TTC4: variants seen among roughly 807,000 people sequenced by gnomAD.
TTC4 encodes hsp70/Hsp90 co-chaperone CNS1 homolog.
Under a neutral mutation model 51.9 loss-of-function variants are expected in TTC4, and 36 were observed. The observed-to-expected ratio is 0.69, with a 90% CI of 0.53 to 0.92. The LOEUF is 0.92. Among genes scored for constraint, TTC4 ranks in the 40% least tolerant of loss-of-function variants. TTC4 has a pLI of 0.00. For synonymous variants in TTC4, 144 were observed against 164.2 expected (o/e 0.88, Z 0.94); for missense variants, 399 against 454.6 (o/e 0.88, Z 1.11).
intron 3 of TTC4, 65 bp from the exon 4 acceptor site, chr1:54,721,098 A>G (rs111390116): frequency 6.8e-6 from 10 of 1,468,114 alleles, no homozygotes; most frequent in Middle Eastern, 1.7e-4. Context: ...TTGTCACTAC[A>G]TATAAAATTT....
At chr1:54,717,211 C>A (rs996035479) in intron 2 of TTC4, among the ~76,000 whole-genome samples, 2 of 152,140 alleles carry the variant, frequency 1.3e-5, no homozygotes, top group South Asian at 2.1e-4. Context: ...AAAAAAAATT[C>A]TTTTCTTCAA....
At position 54,737,404 on chromosome 1, in the gene TTC4, C is replaced by G. The variant is rs181063610; in HGVS notation, c.979-178C>G. 9.9e-5 allele frequency: 56 copies of G among 567,334 alleles called. No homozygotes were observed. In the Middle Eastern group the frequency reaches 1.9e-3, roughly 19 times the overall value. 35.1% of individuals were successfully genotyped at this position (567,334 alleles called of 1,614,324 possible). A position where few individuals can be genotyped will look rare whatever the true frequency, so the allele number is the denominator to read the frequency against. ...TTTGGAAGATGGAACTGATAATAGC[C>G]TCTTTTACAGTGGCATGGCGGGGGG... On this transcript the variant is annotated intron_variant, in intron 8 of 9. Coordinates refer to ENST00000371281, the MANE Select transcript of TTC4 (RefSeq NM_004623.5).
intron 3 of TTC4, among the ~76,000 whole-genome samples, chr1:54,720,818 C>G (rs78431891): frequency 0.028 from 4,192 of 152,154 alleles, 196 homozygotes; most frequent in African/African-American, 0.096. Flanking sequence ...AAAATACATG[C>G]TAATTTGCTT....
At chr1:54,720,147 T>A (rs1382211329) in intron 3 of TTC4, among the ~76,000 whole-genome samples, 1 of 152,100 alleles carries the variant, frequency 6.6e-6, no homozygotes, top group Non-Finnish European at 1.5e-5. Context: ...AGCAATCCTC[T>A]CACCTCGGTC....
intron 5 of TTC4, among the ~76,000 whole-genome samples, chr1:54,725,182 A>G (rs773535318): frequency 6.6e-6 from 1 of 152,152 alleles, no homozygotes; most frequent in Non-Finnish European, 1.5e-5. Context: ...GGCTATTTTT[A>G]TATGACCTGA....
At chr1:54,738,355 T>C (rs1370149805) in intron 9 of TTC4, among the ~76,000 whole-genome samples, 3 of 152,144 alleles carry the variant, frequency 2.0e-5, no homozygotes, top group African/African-American at 4.8e-5. Flanking sequence ...TGAGATTTGG[T>C]TGGGGATACA....
At chr1:54,717,377 A>G (rs1019841713) in intron 2 of TTC4, 115 bp from the exon 3 acceptor site, 4 of 925,298 alleles carry the variant, frequency 4.3e-6, no homozygotes, top group Admixed American at 4.1e-5. Flanking sequence ...TCCTTTCCCT[A>G]TTGGTTTCTT....
intron 3 of TTC4, 37 bp from the exon 4 acceptor site, chr1:54,721,126 C>T: frequency 6.2e-7 from 1 of 1,605,594 alleles, no homozygotes; most frequent in Non-Finnish European, 8.5e-7. Context: ...ATTTTGATCT[C>T]AAAACTTCTC....
At chr1:54,721,051 C>T (rs1303114858) in intron 3 of TTC4, 112 bp from the exon 4 acceptor site, 4 of 995,658 alleles carry the variant, frequency 4.0e-6, no homozygotes, top group Non-Finnish European at 5.9e-6. Flanking sequence ...AACAGTTGCT[C>T]TCATTTGTAT....
rs372482169 is a variant in TTC4, at chr1:54,716,001, T to G, written c.93T>G (p.His31Gln). The G allele has an allele frequency of 6.3e-7, 1 of 1,592,548 alleles. No individual in the cohort carries two copies. Among genetic ancestry groups the G allele is most frequent in the Non-Finnish European group, 8.5e-7 (1 of 1,170,032 alleles). ...GCCAGCCTTACCGTGGCGGCTTTCA[T>G]GAGGACCAGTGGGAGAAGGTGGGCG... ...FQSQPYRGGF[H>Q]EDQWEKEFEK... Residue 31 changes from histidine (H) to glutamine (Q), a missense_variant, in exon 1 of 10, where the codon CAT becomes CAG. His to Gln is a conservative substitution (Grantham distance 24). This residue lies in a region of TTC4 where 316 missense variants were observed against 349.6 expected (regional missense o/e 0.90). Transcript: ENST00000371281.
At position 54,741,433 on chromosome 1, in the gene TTC4, C is replaced by G; in HGVS notation, c.1084C>G (p.Pro362Ala). Residue 362 changes from proline to alanine, a missense_variant, in exon 10 of 10, where the codon CCA becomes GCA. This residue lies in a region of TTC4 where 64 missense variants were observed against 61.3 expected (regional missense o/e 1.04). Coordinates refer to ENST00000371281, the MANE Select transcript of TTC4 (RefSeq NM_004623.5). ...CAGGTACTTTGTAAAAGCCCTGACA[C>G]CAGCATTTTTGGTCTGTGTAGGATC... Reference protein sequence around the residue: ...HQRYFVKALTPAFLVCVGSSP... With the variant: ...HQRYFVKALTAAFLVCVGSSP... The G allele has an allele frequency of 6.2e-7, 1 of 1,614,142 alleles. No individual in the cohort carries two copies. Among genetic ancestry groups the G allele is most frequent in the Non-Finnish European group, 8.5e-7 (1 of 1,180,022 alleles).
At chr1:54,729,556 TAAC>T (rs1263478422) in intron 6 of TTC4, among the ~76,000 whole-genome samples, 4 of 152,290 alleles carry the variant, frequency 2.6e-5, no homozygotes, top group East Asian at 3.9e-4. Context: ...GTTGTTCCTA[TAAC>T]AACAACAACA....
At chr1:54,717,396 T>C (rs968493181) in intron 2 of TTC4, 96 bp from the exon 3 acceptor site, 2 of 1,122,288 alleles carry the variant, frequency 1.8e-6, no homozygotes, top group African/African-American at 3.2e-5. Context: ...TTCGCTTTGG[T>C]GTGTCATATA....
Position 54,716,613 on chromosome 1 carries a change from T to A in TTC4, c.125T>A (p.Val42Asp), listed in dbSNP as rs751054911. 1 of 1,612,416 alleles carries A rather than the reference T, an allele frequency of 6.2e-7. No homozygotes were observed. Among genetic ancestry groups the A allele is most frequent in the Non-Finnish European group, 8.5e-7 (1 of 1,179,442 alleles). ...EDQWEKEFEK[V>D]PLFMSRAPSE... ...AACCATTTACAGGAATTTGAAAAGGTCCCCCTATTTATGTCGAGAGCGCCA... is the reference window on the plus strand; with the variant it reads ...AACCATTTACAGGAATTTGAAAAGGACCCCCTATTTATGTCGAGAGCGCCA... The change falls in exon 2 of 10, where the codon GTC (valine) becomes GAC (aspartate). Residue 42 changes from valine to aspartate, a missense_variant. Physicochemically the swap from Val to Asp is radical, Grantham distance 152 (BLOSUM62 -3). Transcript: ENST00000371281.
Position 54,717,850 on chromosome 1 carries a change from T to C in TTC4, c.391+197T>C, listed in dbSNP as rs944159803. On this transcript the variant is annotated intron_variant, in intron 3 of 9. Transcript: ENST00000371281. ...ACAGGATGGATTGTGTAATTCTTAC[T>C]GTCTCAACCCAAAAAGTGACTTGGT... 2.6e-5 allele frequency: 12 copies of C among 455,404 alleles called. No individual in the cohort carries two copies. The Admixed American group carries it at 5.4e-4, about 20-fold the overall frequency. The allele number at this position is 455,404 out of a possible 1,614,324, so 28.2% of individuals were successfully genotyped here.
At chr1:54,729,102 G>A (rs1381908974) in intron 6 of TTC4, among the ~76,000 whole-genome samples, 1 of 152,196 alleles carries the variant, frequency 6.6e-6, no homozygotes, top group African/African-American at 2.4e-5. Flanking sequence ...TACAGGGACT[G>A]TGATACCATG....
intron 7 of TTC4, among the ~76,000 whole-genome samples, chr1:54,732,328 A>G (rs1645876370): frequency 6.9e-6 from 1 of 145,516 alleles, no homozygotes. Flanking sequence ...CTCAAAAAAA[A>G]AAAAAAATAA....
rs770202144 is a variant in TTC4 at position 54,737,536 on chromosome 1, G to A, written c.979-46G>A. 7 of 1,582,512 alleles carry A rather than the reference G, an allele frequency of 4.4e-6. No individual in the cohort carries two copies. The East Asian group carries it at 1.3e-4, about 30-fold the overall frequency. On this transcript the variant is annotated intron_variant, in intron 8 of 9. Coordinates refer to ENST00000371281, the MANE Select transcript of TTC4 (RefSeq NM_004623.5). ...CCTGGGCTTAGCCTCAACTAAGGCT[G>A]CCGAAGCCTTTATCTCTGACTCTTG...
intron 1 of TTC4, 102 bp downstream of exon 1, chr1:54,716,121 T>G (rs1324428447): frequency 1.1e-5 from 10 of 928,522 alleles, no homozygotes; most frequent in African/African-American, 1.7e-5. Flanking sequence ...TCCCTGGCGC[T>G]GCCAGCCGAT....
Sources: gnomAD v4.1 joint callset for allele counts (sites outside exome capture counted in the v4.1 genomes callset) on GRCh38, gnomAD v4.1.1 for gene constraint, gnomAD v4.1.1 regional missense constraint, MANE v1.5 for transcripts, NCBI Gene and HGNC (gene_info 2026-07-23, HGNC 2026-07-21) for gene names.